TTN: variants seen among roughly 807,000 people sequenced by gnomAD.
The protein encoded by TTN is titin, also known as connectin.
A neutral mutation model predicts 3,223.0 loss-of-function variants in TTN; 1,525 were observed. The observed-to-expected ratio is 0.47, with a 90% CI of 0.45 to 0.49. The LOEUF is 0.49. TTN is among the 20% of genes least tolerant of loss of function. The probability of loss-of-function intolerance (pLI) is 0.00; values close to 1 mark genes in which losing one functional copy is unlikely to be tolerated. For synonymous variants in TTN, 14,094 were observed against 15,161.0 expected (o/e 0.93, Z 5.17); for missense variants, 40,786 against 43,424.0 (o/e 0.94, Z 5.40).
chr2:178,532,703 G>A lies in TTN; in HGVS notation c.103912C>T (p.Arg34638Cys), dbSNP rs374444254. ...DLEIVRPARRRTPSPDYDFYY... is the reference protein window; with the variant it reads ...DLEIVRPARRCTPSPDYDFYY... The stretch of plus-strand genomic sequence containing the variant: ...AAGTCATAATCAGGAGAAGGTGTAC[G>A]CCGGCGGGCTGGTCTCACTATCTCA... The change falls in exon 358 of 363, where the codon CGT becomes TGT. Residue 34638 changes from arginine to cysteine, a missense_variant. Arg to Cys is a radical substitution (Grantham distance 180). Transcript: ENST00000589042. 2.7e-5 allele frequency: 44 copies of A among 1,613,826 alleles called. No individual in the cohort carries two copies. The African/African-American group carries it at 3.1e-4, about 11-fold the overall frequency.
In TTN at chr2:178,562,107, C is replaced by A. The variant is rs770470074; in HGVS notation, c.84025G>T (p.Val28009Phe). ...ACAGTCTTTGAAGAAGAAACATTGA[C>A]TCTAGTTGTCTCTTTAAGAGTCTGA... The part of the protein sequence containing the change: ...DGQTLKETTR[V>F]NVSSSKTVTS... The change falls in exon 326 of 363, where the codon GTC becomes TTC. Residue 28009 changes from valine to phenylalanine, a missense_variant. Coordinates refer to ENST00000589042, the MANE Select transcript of TTN (RefSeq NM_001267550.2). 1 of 1,613,246 alleles carries A rather than the reference C, an allele frequency of 6.2e-7. No homozygotes were observed. The highest frequency in any genetic ancestry group is 1.1e-5 in the South Asian group (1 of 91,006).
chr2:178,725,730 T>C, intron 70 of TTN, 38 bp downstream of exon 70: 1 of 1,554,702 alleles, frequency 6.4e-7, no homozygotes, highest in Non-Finnish European at 8.7e-7. Flanking sequence ...ATTTTGCACA[T>C]TTATGACATT....
chr2:178,734,799 G>A lies in TTN; in HGVS notation c.15125C>T (p.Thr5042Met), dbSNP rs1060500462. 5 of 1,613,628 alleles carry A rather than the reference G, an allele frequency of 3.1e-6. No homozygotes were observed. The highest frequency in any genetic ancestry group is 1.3e-5 in the African/African-American group (1 of 74,896). Residue 5042 changes from threonine (T) to methionine (M), a missense_variant, in exon 51 of 363, where the codon ACG becomes ATG. Coordinates refer to ENST00000589042, the MANE Select transcript of TTN (RefSeq NM_001267550.2). ...FVNSEAILDI[T>M]DVKVEDSGSY... The stretch of plus-strand genomic sequence containing the variant: ...CCCACTGTCTTCAACTTTTACATCC[G>A]TAATATCAAGTATAGCCTCAGAATT...
Position 178,777,311 on chromosome 2 carries a change from T to G in TTN, c.4652A>C (p.Glu1551Ala). ...TACAAACATCGGTTTTACCTGATGT[T>G]CCACAGCTGAAAGAGAAAGGTCATG... ...ISVILTVEAV[E>A]HQVKPMFVEK... The change falls in exon 27 of 363, where the codon GAA (glutamate) becomes GCA (alanine). Residue 1551 changes from glutamate (E) to alanine (A), a missense_variant. Physicochemically the swap from Glu to Ala is moderately radical, Grantham distance 107. Transcript: ENST00000589042. 1 of 1,613,802 alleles carries G rather than the reference T, an allele frequency of 6.2e-7. No homozygotes were observed. Among genetic ancestry groups the G allele is most frequent in the South Asian group, 1.1e-5 (1 of 91,066 alleles).
intron 6 of TTN, among the ~76,000 whole-genome samples, 176 bp from the exon 7 acceptor site, chr2:178,795,428 A>G (rs1192332569): frequency 6.6e-6 from 1 of 152,096 alleles, no homozygotes; most frequent in African/African-American, 2.4e-5. Context: ...ATCTCAATAA[A>G]CCTATTCTTA....
At position 178,774,306 on chromosome 2, in the gene TTN, G is replaced by A. The variant is rs776478343; in HGVS notation, c.6958C>T (p.Arg2320Cys). 50 of 1,613,902 alleles carry A rather than the reference G, an allele frequency of 3.1e-5. No individual in the cohort carries two copies. Among genetic ancestry groups the A allele is most frequent in the South Asian group, 2.1e-4 (19 of 91,084 alleles). The change falls in exon 30 of 363, where the codon CGT becomes TGT. Residue 2320 changes from arginine (R) to cysteine (C), a missense_variant. By Grantham distance (180) the Arg-to-Cys change is radical. Transcript: ENST00000589042. The part of the protein sequence containing the change: ...GKYTITSRRG[R>C]QNLTVKDVTK... The stretch of plus-strand genomic sequence containing the variant: ...ACATCCTTGACCGTGAGGTTCTGAC[G>A]TCCACGACGAGATGTAATTGTATAT...
At position 178,766,474 on chromosome 2, in the gene TTN, G is replaced by T. The variant is rs757836789; in HGVS notation, c.9610C>A (p.Arg3204=). ...HKYVVERRIH[R]MFISETRQSD... ...TGTCTGGTCTCAGAGATAAACATTC[G>T]GTGGATTCTTCTTTCCACTACATAT... is the stretch of plus-strand genomic sequence containing the variant. The change falls in exon 41 of 363, where the codon CGA becomes AGA. Residue 3204 remains arginine (R), a synonymous_variant. Coordinates refer to ENST00000589042, the MANE Select transcript of TTN (RefSeq NM_001267550.2). The T allele has an allele frequency of 6.2e-7, 1 of 1,614,010 alleles. No homozygotes were observed. The highest frequency in any genetic ancestry group is 1.7e-5 in the Admixed American group (1 of 60,010).
intron 46 of TTN, chr2:178,753,786 C>A (rs139551852): frequency 6.6e-6 from 1 of 152,500 alleles, no homozygotes; most frequent in East Asian, 1.9e-4. Flanking sequence ...TCGTATCACT[C>A]TCAGTCTTCA....
Position 178,667,624 on chromosome 2 carries a change from T to C in TTN, c.35629+14A>G. The C allele has an allele frequency of 1.3e-6, 2 of 1,591,006 alleles. No homozygotes were observed. Among genetic ancestry groups the C allele is most frequent in the East Asian group, 2.2e-5 (1 of 44,770 alleles). On this transcript the variant is annotated intron_variant, in intron 160 of 362. Transcript: ENST00000589042. ...AATAATTTTTCTTCAGAGTGGATCATTGGTGTTATATACCTTTTGCTAGTT... is the reference window on the plus strand; with the variant it reads ...AATAATTTTTCTTCAGAGTGGATCACTGGTGTTATATACCTTTTGCTAGTT...
Position 178,549,251 on chromosome 2 carries a change from T to C in TTN, c.92375A>G (p.Glu30792Gly). Residue 30792 changes from glutamate (E) to glycine (G), a missense_variant, in exon 339 of 363, where the codon GAA becomes GGA. Transcript: ENST00000589042. Reference protein sequence around the residue: ...VTGLTEGNEYEFHVMAENAAG... With the variant: ...VTGLTEGNEYGFHVMAENAAG... ...AGCATTTTCAGCCATGACATGGAAT[T>C]CATACTCATTGCCTTCTGTCAGACC... 1 of 1,613,918 alleles carries C rather than the reference T, an allele frequency of 6.2e-7. No individual in the cohort carries two copies. Among genetic ancestry groups the C allele is most frequent in the Non-Finnish European group, 8.5e-7 (1 of 1,179,848 alleles).
chr2:178,613,118 C>T (rs777646445), intron 264 of TTN, 43 bp downstream of exon 264: 2 of 1,609,724 alleles, frequency 1.2e-6, no homozygotes, highest in Non-Finnish European at 8.5e-7. Context: ...AAAAGGAGTT[C>T]ATATGAACTT....
At chr2:178,731,238 A>C in intron 59 of TTN, 35 bp from the exon 60 acceptor site, 1 of 1,610,780 alleles carries the variant, frequency 6.2e-7, no homozygotes, top group Non-Finnish European at 8.5e-7. Flanking sequence ...TGGGTTGTGC[A>C]TTACCCTGCT....
Position 178,543,091 on chromosome 2 carries a change from G to A in TTN, c.96882C>T (p.Ala32294=). 2 of 1,595,708 alleles carry A rather than the reference G, an allele frequency of 1.3e-6. No homozygotes were observed. Among genetic ancestry groups the A allele is most frequent in the African/African-American group, 1.4e-5 (1 of 73,600 alleles). The change falls in exon 347 of 363, where the codon GCC becomes GCT. Residue 32294 remains alanine (A), a synonymous_variant. Transcript: ENST00000589042. Reference sequence around the variant, plus strand: ...TACCTCTGAGGTCTTGTACAGTCACGGCTGTGACAGTCTCTCTTGGTTCTG... The same window carrying A: ...TACCTCTGAGGTCTTGTACAGTCACAGCTGTGACAGTCTCTCTTGGTTCTG... The part of the protein sequence containing the change: ...GVSEPRETVT[A]VTVQDLRVLP...
Position 178,577,791 on chromosome 2 carries a change from C to T in TTN, c.68635G>A (p.Glu22879Lys), listed in dbSNP as rs373765319. 4 of 1,613,110 alleles carry T rather than the reference C, an allele frequency of 2.5e-6. No individual in the cohort carries two copies. Among genetic ancestry groups the T allele is most frequent in the Non-Finnish European group, 3.4e-6 (4 of 1,179,490 alleles). The change falls in exon 323 of 363, where the codon GAG (glutamate) becomes AAG (lysine). Residue 22879 changes from glutamate to lysine, a missense_variant. Glu to Lys is a moderately conservative substitution (Grantham distance 56, BLOSUM62 1). Coordinates refer to ENST00000589042, the MANE Select transcript of TTN (RefSeq NM_001267550.2). ...GGHKLTGYIV[E>K]KRDLPSKSWM... The stretch of plus-strand genomic sequence containing the variant: ...GACTTCGAAGGTAGATCTCGCTTCT[C>T]CACTATATATCCAGTTAACTTATGA...
intron 2 of TTN, 99 bp downstream of exon 2, chr2:178,804,453 A>C: frequency 8.3e-7 from 1 of 1,207,946 alleles, no homozygotes; most frequent in Non-Finnish European, 1.2e-6. Flanking sequence ...TCCGAAGTGA[A>C]AGCAGGGCTT....
intron 288 of TTN, among the ~76,000 whole-genome samples, chr2:178,600,185 ACT>A (rs1462792857): frequency 6.6e-6 from 1 of 151,698 alleles, no homozygotes; most frequent in African/African-American, 2.4e-5. Context: ...ATCATGGGAT[ACT>A]CTCTTTAATA....
At position 178,546,080 on chromosome 2, in the gene TTN, C is replaced by T; in HGVS notation, c.95156G>A (p.Arg31719Lys). ...TAAAGTGCACTTCTCCTGTGTTACTCTGCTGACGGTGAGCTTTCCACATGG... is the reference window on the plus strand; with the variant it reads ...TAAAGTGCACTTCTCCTGTGTTACTTTGCTGACGGTGAGCTTTCCACATGG... ...PGPCGKLTVS[R>K]VTQEKCTLAW... Residue 31719 changes from arginine to lysine, a missense_variant, in exon 343 of 363, where the codon AGA becomes AAA. Physicochemically the swap from Arg to Lys is conservative, Grantham distance 26 (BLOSUM62 2). Coordinates refer to ENST00000589042, the MANE Select transcript of TTN (RefSeq NM_001267550.2). 1 of 1,612,194 alleles carries T rather than the reference C, an allele frequency of 6.2e-7. No homozygotes were observed. The highest frequency in any genetic ancestry group is 8.5e-7 in the Non-Finnish European group (1 of 1,178,620).
At chr2:178,602,716 G>T in intron 282 of TTN, 126 bp from the exon 283 acceptor site, 1 of 744,182 alleles carries the variant, frequency 1.3e-6, no homozygotes, top group Non-Finnish European at 1.9e-6. Context: ...ATGCTAAAAG[G>T]AAATACAGTT....
rs751641811 is a variant in TTN at position 178,783,789 on chromosome 2, G to A, written c.2776-4C>T. On this transcript the variant is annotated splice_polypyrimidine_tract_variant and splice_region_variant and intron_variant, in intron 16 of 362. Coordinates refer to ENST00000589042, the MANE Select transcript of TTN (RefSeq NM_001267550.2). ...GTACTCTTGCTGTTTCTGTTACCTA[G>A]ATTTTTACAAATTATATTACAAAAT... 1.2e-6 allele frequency: 2 copies of A among 1,612,122 alleles called. No homozygotes were observed. Among genetic ancestry groups the A allele is most frequent in the Non-Finnish European group, 1.7e-6 (2 of 1,179,054 alleles).
Sources: allele counts gnomAD v4.1 joint callset (sites outside exome capture counted in the v4.1 genomes callset), GRCh38; gene constraint gnomAD v4.1.1; transcripts MANE v1.5; gene names NCBI Gene and HGNC (gene_info 2026-07-23, HGNC 2026-07-21).